The following LIPA variants were observed in gnomAD, a reference collection of about 807,000 sequenced individuals.
LIPA encodes the protein lysosomal acid lipase/cholesteryl ester hydrolase.
In LIPA, 26 loss-of-function variants were observed where a neutral mutation model predicts 40.6. That is an observed-to-expected ratio of 0.64 (90% CI 0.47 to 0.89). The LOEUF (loss-of-function observed/expected upper bound fraction) is 0.89, where lower values mean the gene tolerates loss of function less well. Among genes scored for constraint, LIPA ranks in the 40% least tolerant of loss-of-function variants. The pLI is 0.00. For missense variants in LIPA, 455 were observed against 479.6 expected (o/e 0.95, Z 0.48); for synonymous variants, 188 against 168.4 (o/e 1.12, Z -0.90).
chr10:89,294,313 G>A (rs1349659646), intron 1 of LIPA, among the ~76,000 whole-genome samples: 1 of 152,218 alleles, frequency 6.6e-6, no homozygotes, highest in Non-Finnish European at 1.5e-5. Context: ...CAGATTGGGA[G>A]ATTGGGTAAT....
rs1327824438 is a variant in LIPA at position 89,391,604 on chromosome 10, A to T, written c.61+21187T>A. On this transcript the variant is annotated intron_variant, in intron 2 of 8. Coordinates refer to the LIPA transcript ENST00000371837. ...GAGTACAGTGGTGTGATCTCGGCTC[A>T]CTGCAACCTCTGCCTCCCAGGTTCA... Among the ~76,000 whole-genome samples, 3 of 149,892 alleles carry T rather than the reference A, an allele frequency of 2.0e-5. No homozygotes were observed. The East Asian group carries it at 5.9e-4, about 30-fold the overall frequency.
Position 89,352,212 on chromosome 10 carries a change from G to A in LIPA, c.61+60579C>T, listed in dbSNP as rs74662820. ...CTTTGCAGTTTCAATGTGACAGCTC[G>A]CCAGTTTCACAAGGCAACCCTTTCT... is the stretch of plus-strand genomic sequence containing the variant. On this transcript the variant is annotated intron_variant, in intron 2 of 8. Coordinates refer to the LIPA transcript ENST00000371837. 5.4e-3 allele frequency among the ~76,000 whole-genome samples: 828 copies of A among 152,130 alleles called. 11 individuals carry two copies. The highest frequency in any genetic ancestry group is 0.019 in the African/African-American group (800 of 41,468).
intron 1 of LIPA, among the ~76,000 whole-genome samples, chr10:89,332,023 G>T (rs928320030): frequency 6.6e-6 from 1 of 152,114 alleles, no homozygotes; most frequent in African/African-American, 2.4e-5. Context: ...ATGAGGTCAG[G>T]AGTTCGAGAA....
At chr10:89,398,267 G>A (rs1048628393) in intron 2 of LIPA, among the ~76,000 whole-genome samples, 3 of 152,212 alleles carry the variant, frequency 2.0e-5, no homozygotes, top group Non-Finnish European at 4.4e-5. Context: ...ATCTTAAACA[G>A]GCTTGTTTAT....
intron 1 of LIPA, among the ~76,000 whole-genome samples, chr10:89,288,080 G>A (rs778479202): frequency 5.3e-5 from 8 of 152,108 alleles, no homozygotes; most frequent in Non-Finnish European, 1.0e-4. Context: ...AAGGCTTTGC[G>A]GACAGCCCCC....
intron 1 of LIPA, among the ~76,000 whole-genome samples, chr10:89,267,000 G>A (rs901717004): frequency 1.3e-5 from 2 of 152,240 alleles, no homozygotes; most frequent in African/African-American, 4.8e-5. Context: ...GGAATAAGGT[G>A]TGGGTGGCTA....
chr10:89,382,245 T>C (rs919249845), intron 2 of LIPA, among the ~76,000 whole-genome samples: 4 of 152,210 alleles, frequency 2.6e-5, no homozygotes, highest in Non-Finnish European at 5.9e-5. Context: ...ATAATGGTCC[T>C]CTCTGAAATC....
At chr10:89,289,238 G>A (rs186506698) in intron 1 of LIPA, among the ~76,000 whole-genome samples, 53 of 152,162 alleles carry the variant, frequency 3.5e-4, no homozygotes, top group African/African-American at 9.9e-4. Flanking sequence ...CTATTCTATC[G>A]TCATTTCATA....
intron 1 of LIPA, chr10:89,306,194 T>C (rs761068359): frequency 1.9e-6 from 3 of 1,613,872 alleles, no homozygotes; most frequent in East Asian, 4.5e-5. Flanking sequence ...AGCTGAAGAG[T>C]TAATCCAGCA....
chr10:89,231,692 G>A (rs558289047), intron 3 of LIPA, among the ~76,000 whole-genome samples: 35 of 152,224 alleles, frequency 2.3e-4, no homozygotes, highest in Admixed American at 7.2e-4. Context: ...TGCCCAGGCT[G>A]GTCTCAAACT....
chr10:89,407,506 C>T (rs1452989119), intron 2 of LIPA, among the ~76,000 whole-genome samples: 1 of 152,184 alleles, frequency 6.6e-6, no homozygotes, highest in African/African-American at 2.4e-5. Flanking sequence ...TAGGATCCCT[C>T]CTCAGACAAG....
chr10:89,402,618 C>T, intron 2 of LIPA: 2 of 1,614,210 alleles, frequency 1.2e-6, no homozygotes, highest in Non-Finnish European at 1.7e-6. Context: ...GGCAGAAGCC[C>T]AGACTTACCT....
At chr10:89,275,335 T>G (rs1347306280) in intron 1 of LIPA, among the ~76,000 whole-genome samples, 2 of 152,132 alleles carry the variant, frequency 1.3e-5, no homozygotes, top group South Asian at 4.1e-4. Flanking sequence ...GGGCCAGGTG[T>G]GTAGTTAGCT....
At chr10:89,252,902 T>G (rs555345950), upstream of LIPA, among the ~76,000 whole-genome samples, 1 of 150,486 alleles carries the variant, frequency 6.6e-6, no homozygotes, top group Admixed American at 6.6e-5. Context: ...GGCAAGGAGG[T>G]AGTTAACAGC....
chr10:89,360,833 A>G (rs576605918), intron 2 of LIPA, among the ~76,000 whole-genome samples: 60 of 152,200 alleles, frequency 3.9e-4, no homozygotes, highest in Non-Finnish European at 6.2e-4. Flanking sequence ...AAACCACAGA[A>G]ATTTGTTCTC....
At chr10:89,287,736 G>C (rs1031878028) in intron 1 of LIPA, among the ~76,000 whole-genome samples, 2 of 152,156 alleles carry the variant, frequency 1.3e-5, no homozygotes, top group African/African-American at 4.8e-5. Context: ...TCACTTGCCT[G>C]TTACAGCATG....
intron 1 of LIPA, among the ~76,000 whole-genome samples, chr10:89,310,000 T>C (rs1296860116): frequency 6.6e-6 from 1 of 152,234 alleles, no homozygotes; most frequent in Admixed American, 6.5e-5. Flanking sequence ...GCTACTTATG[T>C]AGCTTCAACA....
rs1842716520 is a variant in LIPA at position 89,222,722 on chromosome 10, TA to T, written c.823-141del. 5.8e-6 allele frequency: 4 copies of T among 694,032 alleles called. No individual in the cohort carries two copies. The African/African-American group carries it at 7.1e-5, about 12-fold the overall frequency. 43.0% of individuals were successfully genotyped at this position (694,032 alleles called of 1,614,324 possible). A position where few individuals can be genotyped will look rare whatever the true frequency, so the allele number is the denominator to read the frequency against. ...TGTGAGATGAGAGGTAGAAAAAAAT[TA>T]TTTGACTAAAAATCTGCCCTATAAA... On this transcript the variant is annotated intron_variant, in intron 7 of 9. Coordinates refer to ENST00000336233, the MANE Select transcript of LIPA (RefSeq NM_000235.4).
chr10:89,373,314 G>A (rs1163196212), intron 2 of LIPA, among the ~76,000 whole-genome samples: 6 of 125,056 alleles, frequency 4.8e-5, no homozygotes, highest in African/African-American at 9.7e-5. Flanking sequence ...CAGCCTGGGC[G>A]ACAGAGCGAG....
Sources: allele counts gnomAD v4.1 joint callset (sites outside exome capture counted in the v4.1 genomes callset), GRCh38; gene constraint gnomAD v4.1.1; transcripts MANE v1.5; gene names NCBI Gene and HGNC (gene_info 2026-07-23, HGNC 2026-07-21).